VAC14: variants seen among roughly 807,000 people sequenced by gnomAD.
VAC14 encodes the protein protein VAC14 homolog.
In VAC14, 47 loss-of-function variants were observed where a neutral mutation model predicts 85.3. That is an observed-to-expected ratio of 0.55 (90% CI 0.44 to 0.70). The LOEUF is 0.70. Ranked by LOEUF, VAC14 falls within the 30% of genes least tolerant of loss-of-function variation. The pLI is 0.00. For synonymous variants in VAC14, 447 were observed against 430.5 expected (o/e 1.04, Z -0.47); for missense variants, 861 against 1,004.3 (o/e 0.86, Z 1.93).
At chr16:70,747,020 A>C (rs903337402) in intron 12 of VAC14, 4 of 152,218 alleles carry the variant, frequency 2.6e-5, no homozygotes, top group Admixed American at 6.5e-5. Flanking sequence ...TGTGCACATC[A>C]AACTTATATA....
In VAC14 at chr16:70,688,219, C is replaced by T. The variant is rs1172914541; in HGVS notation, c.2187-129G>A. On this transcript the variant is annotated intron_variant, in intron 18 of 18. Coordinates refer to ENST00000261776, the MANE Select transcript of VAC14 (RefSeq NM_018052.5). ...CGGCCTGTGGGCGTCTGTCTCAGGC[C>T]TGGCAACTCTTCCGTCATGGCGGGC... The T allele has an allele frequency of 4.5e-6, 6 of 1,322,304 alleles. No individual in the cohort carries two copies. The Middle Eastern group carries it at 7.6e-4, about 168-fold the overall frequency. 81.9% of individuals were successfully genotyped at this position (1,322,304 alleles called of 1,614,324 possible). A position where few individuals can be genotyped will look rare whatever the true frequency, so the allele number is the denominator to read the frequency against.
chr16:70,726,644 C>T (rs1218167578), intron 14 of VAC14, among the ~76,000 whole-genome samples: 1 of 152,158 alleles, frequency 6.6e-6, no homozygotes, highest in Non-Finnish European at 1.5e-5. Flanking sequence ...ATGAGTGCCT[C>T]GGGAGGCTCA....
intron 14 of VAC14, among the ~76,000 whole-genome samples, chr16:70,718,362 G>A (rs1164115147): frequency 1.3e-5 from 2 of 152,052 alleles, no homozygotes; most frequent in African/African-American, 4.8e-5. Flanking sequence ...CACGGGGTCA[G>A]GAGATTGAGA....
chr16:70,693,587 G>C (rs375391812), intron 17 of VAC14, among the ~76,000 whole-genome samples: 2 of 152,200 alleles, frequency 1.3e-5, no homozygotes, highest in South Asian at 4.1e-4. Context: ...GCGGGGGAAA[G>C]AGATGCACCC....
rs1223731240 is a variant in VAC14, at chr16:70,731,630, G to A, written c.1529-3C>T. 3.1e-6 allele frequency: 5 copies of A among 1,613,524 alleles called. No homozygotes were observed. The highest frequency in any genetic ancestry group is 1.7e-5 in the Admixed American group (1 of 59,956). On this transcript the variant is annotated splice_polypyrimidine_tract_variant and splice_region_variant and intron_variant, in intron 13 of 18. Transcript: ENST00000261776. ...AGAACATTCTAAGCCTTTGGTACCT[G>A]TAGAGAAAGGGATAGAGCCAGCATT...
intron 12 of VAC14, among the ~76,000 whole-genome samples, chr16:70,751,176 G>A (rs531112131): frequency 9.8e-5 from 15 of 152,342 alleles, no homozygotes; most frequent in Admixed American, 5.9e-4. Context: ...GTCGGCTGAT[G>A]AGCCCTAGGA....
chr16:70,764,602 G>A (rs1181807515), intron 10 of VAC14, among the ~76,000 whole-genome samples: 1 of 152,322 alleles, frequency 6.6e-6, no homozygotes, highest in East Asian at 1.9e-4. Context: ...AGAAACAGGT[G>A]AAATGAATTT....
At chr16:70,787,203 G>T (rs1167296939) in intron 1 of VAC14, among the ~76,000 whole-genome samples, 1 of 152,198 alleles carries the variant, frequency 6.6e-6, no homozygotes, top group African/African-American at 2.4e-5. Context: ...TGGGTTTGAC[G>T]GGAGACTGAT....
rs1256797371 is a variant in VAC14, at chr16:70,692,994, G to T, written c.2036-23C>A. 3 of 1,603,202 alleles carry T rather than the reference G, an allele frequency of 1.9e-6. No individual in the cohort carries two copies. The South Asian group carries it at 3.4e-5, about 18-fold the overall frequency. On this transcript the variant is annotated intron_variant, in intron 17 of 18. Coordinates refer to ENST00000261776, the MANE Select transcript of VAC14 (RefSeq NM_018052.5). ...GATCTGGGGTAGGCAGAGGGCAGGG[G>T]TCAGGGACCTGGCACTGCTCTGGGA...
intron 12 of VAC14, chr16:70,761,347 C>T (rs2032367850): frequency 3.9e-6 from 1 of 257,772 alleles, no homozygotes; most frequent in African/African-American, 2.3e-5. Flanking sequence ...AGCTGGCTGC[C>T]TCATGGAGAT....
intron 12 of VAC14, among the ~76,000 whole-genome samples, chr16:70,759,988 CG>C (rs1314430689): frequency 6.6e-6 from 1 of 152,172 alleles, no homozygotes; most frequent in East Asian, 1.9e-4. Context: ...GACGACTCCC[CG>C]CAGAGAACCG....
rs878902881 is a variant in VAC14 at position 70,761,018 on chromosome 16, TGCATGGGG to T, written c.1371+1514_1371+1521del. The stretch of plus-strand genomic sequence containing the variant: ...GTGTGTGTGTGTGTGTGTGTGTGTG[TGCATGGGG>T]GGGCGGGGGGTAGGCAGGAGAGGCC... On this transcript the variant is annotated intron_variant, in intron 12 of 18. Coordinates refer to ENST00000261776, the MANE Select transcript of VAC14 (RefSeq NM_018052.5). 38 of 267,814 alleles carry T rather than the reference TGCATGGGG, an allele frequency of 1.4e-4. 1 individual carries two copies. Among genetic ancestry groups the T allele is most frequent in the African/African-American group, 5.5e-4 (13 of 23,496 alleles). The allele number at this position is 267,814 out of a possible 1,614,324, so 16.6% of individuals were successfully genotyped here.
intron 17 of VAC14, among the ~76,000 whole-genome samples, chr16:70,693,289 C>T (rs574027652): frequency 1.1e-4 from 17 of 152,354 alleles, no homozygotes; most frequent in African/African-American, 3.4e-4. Context: ...CCCCGAGACA[C>T]GCTGTGGGGC....
At chr16:70,741,398 C>T (rs13333447) in intron 13 of VAC14, among the ~76,000 whole-genome samples, 5 of 151,832 alleles carry the variant, frequency 3.3e-5, no homozygotes, top group Admixed American at 6.5e-5. Flanking sequence ...GGTGGGGGGG[C>T]GGGGAAGCAG....
rs760603783 is a variant in VAC14 at position 70,744,608 on chromosome 16, G to A, written c.1372-29C>T. 14 of 1,562,880 alleles carry A rather than the reference G, an allele frequency of 9.0e-6. No homozygotes were observed. The South Asian group carries it at 1.1e-4, about 12-fold the overall frequency. On this transcript the variant is annotated intron_variant, in intron 12 of 18. Transcript: ENST00000261776. ...GGGAGAGAAGCGGGGCAGGAGGGAT[G>A]AGCTCTCCGCTGAGAGCTGTGCTGA...
intron 10 of VAC14, chr16:70,771,879 C>A: frequency 3.9e-6 from 2 of 514,424 alleles, no homozygotes; most frequent in Non-Finnish European, 6.9e-6. Context: ...CCATGTCTGG[C>A]CCCCAGTGGC....
At chr16:70,709,589 C>T (rs144592509) in intron 14 of VAC14, among the ~76,000 whole-genome samples, 6 of 152,274 alleles carry the variant, frequency 3.9e-5, no homozygotes, top group South Asian at 2.1e-4. Flanking sequence ...TCCAAGGGTA[C>T]GAGAGGGAAG....
In VAC14 at chr16:70,800,790, C is replaced by A. The variant is rs187566408; in HGVS notation, c.104+7G>T. The A allele has an allele frequency of 4.3e-6, 7 of 1,609,634 alleles. No homozygotes were observed. In the Admixed American group the frequency reaches 1.0e-4, roughly 23 times the overall value. On this transcript the variant is annotated splice_region_variant and intron_variant, in intron 1 of 18. Coordinates refer to ENST00000261776, the MANE Select transcript of VAC14 (RefSeq NM_018052.5). ...CATAGCCAGGGAGGGGTCCTGGCGG[C>A]TCTTACTTCTCGATCTCCAGCGCTG...
At chr16:70,752,629 A>T (rs2031477817) in intron 12 of VAC14, among the ~76,000 whole-genome samples, 1 of 152,178 alleles carries the variant, frequency 6.6e-6, no homozygotes, top group Non-Finnish European at 1.5e-5. Flanking sequence ...CAGCCAGGAG[A>T]AGGCTCCTGC....
Sources: gnomAD v4.1 joint callset for allele counts (sites outside exome capture counted in the v4.1 genomes callset) on GRCh38, gnomAD v4.1.1 for gene constraint, MANE v1.5 for transcripts, NCBI Gene and HGNC (gene_info 2026-07-23, HGNC 2026-07-21) for gene names.